ZRANB3: variants seen among roughly 807,000 people sequenced by gnomAD.
The protein encoded by ZRANB3 is zinc finger RANBP2-type containing 3, also known as DNA annealing helicase and endonuclease ZRANB3.
Under a neutral mutation model 133.8 loss-of-function variants are expected in ZRANB3, and 125 were observed. That is an observed-to-expected ratio of 0.93 (90% CI 0.81 to 1.08). ZRANB3 has a LOEUF of 1.08. ZRANB3 is among the 50% of genes least tolerant of loss of function. The pLI is 0.00. For synonymous variants in ZRANB3, 387 were observed against 432.7 expected (o/e 0.89, Z 1.31); for missense variants, 1,229 against 1,275.5 (o/e 0.96, Z 0.56).
At chr2:135,334,015 T>C (rs1200677335) in intron 6 of ZRANB3, among the ~76,000 whole-genome samples, 2 of 152,212 alleles carry the variant, frequency 1.3e-5, no homozygotes, top group Non-Finnish European at 2.9e-5. Context: ...AGACTCTGTA[T>C]ATTATCCCTA....
intron 12 of ZRANB3, among the ~76,000 whole-genome samples, chr2:135,240,467 T>C (rs1432052675): frequency 6.6e-6 from 1 of 152,256 alleles, no homozygotes; most frequent in East Asian, 1.9e-4. Context: ...CTATTTCTAG[T>C]TAAACCATAC....
In ZRANB3 at chr2:135,315,429, T is replaced by C. The variant is rs1683202973; in HGVS notation, c.779A>G (p.Glu260Gly). 1 of 1,606,620 alleles carries C rather than the reference T, an allele frequency of 6.2e-7. No individual in the cohort carries two copies. Among genetic ancestry groups the C allele is most frequent in the African/African-American group, 1.3e-5 (1 of 74,614 alleles). The stretch of plus-strand genomic sequence containing the variant: ...TTTAGGGGGTAGCTGGGTTAAAACT[T>C]CAGTCTTTAATCTTCTAATCATTAT... ...SDIMIRRLKT[E>G]VLTQLPPKVR... Residue 260 changes from glutamate (E) to glycine (G), a missense_variant, in exon 7 of 21, where the codon GAA becomes GGA. Coordinates refer to ENST00000264159, the MANE Select transcript of ZRANB3 (RefSeq NM_032143.4).
intron 1 of ZRANB3, among the ~76,000 whole-genome samples, chr2:135,508,343 T>C (rs1262053057): frequency 6.6e-6 from 1 of 152,148 alleles, no homozygotes; most frequent in Non-Finnish European, 1.5e-5. Context: ...TTCACCATGT[T>C]AGCCAAGATG....
chr2:135,512,489 T>C (rs529541914), intron 1 of ZRANB3, among the ~76,000 whole-genome samples: 7 of 151,922 alleles, frequency 4.6e-5, no homozygotes, highest in Middle Eastern at 6.8e-3. Flanking sequence ...AATAAAGAAT[T>C]AGTAAATTAG....
At chr2:135,392,112 G>A (rs1252078699) in intron 2 of ZRANB3, among the ~76,000 whole-genome samples, 2 of 151,930 alleles carry the variant, frequency 1.3e-5, no homozygotes, top group Non-Finnish European at 2.9e-5. Flanking sequence ...CCTTAAGTGA[G>A]GATATTTCCA....
intron 2 of ZRANB3, among the ~76,000 whole-genome samples, chr2:135,406,334 T>C (rs922362565): frequency 4.6e-5 from 7 of 151,952 alleles, no homozygotes; most frequent in Admixed American, 1.3e-4. Flanking sequence ...TAATTAATAG[T>C]TTACCAACCA....
intron 12 of ZRANB3, among the ~76,000 whole-genome samples, chr2:135,240,633 T>C (rs1695509853): frequency 6.6e-6 from 1 of 152,140 alleles, no homozygotes; most frequent in East Asian, 1.9e-4. Flanking sequence ...GGTTGGAGTG[T>C]AGTGGTGCAA....
intron 8 of ZRANB3, among the ~76,000 whole-genome samples, chr2:135,293,088 G>T (rs1239657353): frequency 6.6e-6 from 1 of 151,892 alleles, no homozygotes; most frequent in African/African-American, 2.4e-5. Context: ...GTTCTTTTTT[G>T]GTTCCATATG....
chr2:135,397,214 G>A lies in ZRANB3; in HGVS notation c.162-6394C>T, dbSNP rs573021073. Among the ~76,000 whole-genome samples, 8 of 152,150 alleles carry A rather than the reference G, an allele frequency of 5.3e-5. No individual in the cohort carries two copies. In the South Asian group the frequency reaches 8.3e-4, roughly 16 times the overall value. ...CCCCAGCACTTTGGTAAGCTGAGGT[G>A]GGAGGATCACTTTAGCGTACCAATC... On this transcript the variant is annotated intron_variant, in intron 2 of 20. Transcript: ENST00000264159.
chr2:135,386,988 T>TAAA (rs530231165), intron 3 of ZRANB3, among the ~76,000 whole-genome samples: 1 of 126,248 alleles, frequency 7.9e-6, no homozygotes, highest in Non-Finnish European at 1.7e-5. Flanking sequence ...CTTAAAGAAT[T>TAAA]AAAAAAAAAA....
At chr2:135,469,768 T>A (rs550259578) in intron 2 of ZRANB3, among the ~76,000 whole-genome samples, 97 of 152,226 alleles carry the variant, frequency 6.4e-4, no homozygotes, top group African/African-American at 2.2e-3. Context: ...TTCCCAGCAC[T>A]TTGGGAGGCT....
chr2:135,453,397 TCTC>T (rs1176142566), intron 2 of ZRANB3, among the ~76,000 whole-genome samples: 1 of 152,238 alleles, frequency 6.6e-6, no homozygotes, highest in Non-Finnish European at 1.5e-5. Flanking sequence ...AGCTTGAATT[TCTC>T]CTCAAGAAAT....
chr2:135,223,560 T>G (rs77836219), intron 15 of ZRANB3, among the ~76,000 whole-genome samples: 16,666 of 151,960 alleles, frequency 0.11, 1,170 homozygotes, highest in South Asian at 0.32. Context: ...ACTCCTGACC[T>G]CAGGTGATCC....
intron 8 of ZRANB3, among the ~76,000 whole-genome samples, chr2:135,302,078 C>A (rs1213097975): frequency 6.6e-6 from 1 of 152,182 alleles, no homozygotes; most frequent in Non-Finnish European, 1.5e-5. Context: ...AACTCATTTT[C>A]TCACAGAATC....
At chr2:135,277,044 T>G (rs1013229352) in intron 8 of ZRANB3, among the ~76,000 whole-genome samples, 1 of 152,174 alleles carries the variant, frequency 6.6e-6, no homozygotes, top group Non-Finnish European at 1.5e-5. Context: ...TAGAGGGTAT[T>G]TGGATGGAGG....
rs188195559 is a variant in ZRANB3, at chr2:135,414,187, G to A, written c.162-23367C>T. Among the ~76,000 whole-genome samples, 9 of 152,230 alleles carry A rather than the reference G, an allele frequency of 5.9e-5. No individual in the cohort carries two copies. The East Asian group carries it at 1.7e-3, about 29-fold the overall frequency. On this transcript the variant is annotated intron_variant, in intron 2 of 20. Coordinates refer to ENST00000264159, the MANE Select transcript of ZRANB3 (RefSeq NM_032143.4). ...TTGGATAAAGAGTCAAGACCCATCAGTGTGCTGTATTCAGGAAACCCATCT... is the reference window on the plus strand; with the variant it reads ...TTGGATAAAGAGTCAAGACCCATCAATGTGCTGTATTCAGGAAACCCATCT...
intron 6 of ZRANB3, among the ~76,000 whole-genome samples, chr2:135,319,400 A>G (rs780768870): frequency 6.6e-6 from 1 of 152,146 alleles, no homozygotes; most frequent in Non-Finnish European, 1.5e-5. Context: ...GAGAAATAGG[A>G]TACTTCAGTC....
intron 2 of ZRANB3, among the ~76,000 whole-genome samples, chr2:135,396,147 AAGAC>A (rs1259917484): frequency 6.6e-6 from 1 of 152,154 alleles, no homozygotes; most frequent in Non-Finnish European, 1.5e-5. Context: ...GTTAAAATGA[AAGAC>A]AGGCAACAAC....
At position 135,219,159 on chromosome 2, in the gene ZRANB3, C is replaced by T. The variant is rs529044637; in HGVS notation, c.2270G>A (p.Cys757Tyr). 2.0e-6 allele frequency: 3 copies of T among 1,531,110 alleles called. No homozygotes were observed. The highest frequency in any genetic ancestry group is 2.4e-5 in the East Asian group (1 of 41,480). 94.8% of individuals were successfully genotyped at this position (1,531,110 alleles called of 1,614,324 possible). Residue 757 changes from cysteine to tyrosine, a missense_variant, in exon 16 of 21, where the codon TGT becomes TAT. Physicochemically the swap from Cys to Tyr is radical, Grantham distance 194. Coordinates refer to ENST00000264159, the MANE Select transcript of ZRANB3 (RefSeq NM_032143.4). ...TTTTATATCCAGAGGAATGAAATTA[C>T]AGCTCATCTGTTTTCCATCCTGATG... Reference protein sequence around the residue: ...IYTKDGKQMSCNFIPLDIKLD... With the variant: ...IYTKDGKQMSYNFIPLDIKLD...
Sources: gnomAD v4.1 joint callset for allele counts (sites outside exome capture counted in the v4.1 genomes callset) on GRCh38, gnomAD v4.1.1 for gene constraint, MANE v1.5 for transcripts, NCBI Gene and HGNC (gene_info 2026-07-23, HGNC 2026-07-21) for gene names.